The following ITGA9 variants were observed in gnomAD, a reference collection of about 807,000 sequenced individuals.
The protein encoded by ITGA9 is integrin alpha-9.
Under a neutral mutation model 127.8 loss-of-function variants are expected in ITGA9, and 56 were observed. The observed-to-expected ratio is 0.44, with a 90% CI of 0.35 to 0.55. ITGA9 has a LOEUF of 0.55. ITGA9 is among the 20% of genes least tolerant of loss of function. ITGA9 has a pLI of 0.00. For synonymous variants in ITGA9, 508 were observed against 514.5 expected, an observed-to-expected ratio of 0.99 and a Z score of 0.17; for missense variants, 1,196 against 1,347.1, an observed-to-expected ratio of 0.89 and a Z score of 1.76.
Position 37,821,838 on chromosome 3 carries a change from G to A in ITGA9, c.*2849G>A, listed in dbSNP as rs1697518881. 6.6e-6 allele frequency: 1 copy of A among 152,066 alleles called. No individual in the cohort carries two copies. Among genetic ancestry groups the A allele is most frequent in the South Asian group, 2.1e-4 (1 of 4,812 alleles). The allele number at this position is 152,066 out of a possible 1,614,324, so 9.4% of individuals were successfully genotyped here. ...AAAACCAGCCTTGGCATCACCACCAGCAGATACTGAAAGCCTCCCCAGGAA... is the reference window on the plus strand; with the variant it reads ...AAAACCAGCCTTGGCATCACCACCAACAGATACTGAAAGCCTCCCCAGGAA... On this transcript the variant is annotated 3_prime_UTR_variant, in exon 28 of 28. Coordinates refer to ENST00000264741, the MANE Select transcript of ITGA9 (RefSeq NM_002207.3).
At chr3:37,475,497 C>T (rs1698484108) in intron 3 of ITGA9, among the ~76,000 whole-genome samples, 1 of 152,176 alleles carries the variant, frequency 6.6e-6, no homozygotes, top group South Asian at 2.1e-4. Context: ...CAATGAGGAC[C>T]ACAGGGAAGA....
chr3:37,540,518 A>C (rs1380891818), intron 14 of ITGA9, among the ~76,000 whole-genome samples: 1 of 152,236 alleles, frequency 6.6e-6, no homozygotes, highest in Non-Finnish European at 1.5e-5. Flanking sequence ...GTTTTGGTCA[A>C]GTAATGTACA....
chr3:37,769,629 T>C (rs1696820027), intron 23 of ITGA9, among the ~76,000 whole-genome samples: 1 of 152,212 alleles, frequency 6.6e-6, no homozygotes, highest in Non-Finnish European at 1.5e-5. Flanking sequence ...TCCTTGGCTC[T>C]CTAGACTCCA....
intron 15 of ITGA9, among the ~76,000 whole-genome samples, chr3:37,569,476 C>A (rs565828588): frequency 3.3e-5 from 5 of 152,234 alleles, no homozygotes; most frequent in African/African-American, 1.2e-4. Flanking sequence ...TGTGGCATGG[C>A]CTTTATGTGT....
In ITGA9 at chr3:37,748,766, AAGAAG is replaced by A; in HGVS notation, c.2434-1695_2434-1691del. Reference sequence around the variant, plus strand: ...CTGTCTTAAAAAAAAAAAAAAAAAAAAGAAGGAAGCCAAACAGAAAGATACCTGGG... The same window carrying A: ...CTGTCTTAAAAAAAAAAAAAAAAAAAGAAGCCAAACAGAAAGATACCTGGG... On this transcript the variant is annotated intron_variant, in intron 22 of 27. Coordinates refer to ENST00000264741, the MANE Select transcript of ITGA9 (RefSeq NM_002207.3). 3.8e-5 allele frequency: 24 copies of A among 638,192 alleles called. No homozygotes were observed. In the South Asian group the frequency reaches 4.0e-4, roughly 11 times the overall value. 39.5% of individuals were successfully genotyped at this position (638,192 alleles called of 1,614,324 possible).
intron 16 of ITGA9, among the ~76,000 whole-genome samples, chr3:37,650,054 T>C (rs1158125618): frequency 6.6e-6 from 1 of 152,224 alleles, no homozygotes; most frequent in Non-Finnish European, 1.5e-5. Flanking sequence ...TTCACTGTCA[T>C]GGTGACTCAC....
chr3:37,765,168 T>G (rs1313563954), intron 23 of ITGA9, among the ~76,000 whole-genome samples: 1 of 152,130 alleles, frequency 6.6e-6, no homozygotes, highest in Admixed American at 6.5e-5. Flanking sequence ...TCACCCCTTG[T>G]ATCTCCTGGG....
chr3:37,512,126 T>TCCTTCC (rs1559524836), intron 8 of ITGA9, among the ~76,000 whole-genome samples: 3 of 9,448 alleles, frequency 3.2e-4, no homozygotes, highest in African/African-American at 9.9e-4. Context: ...CCTTCTTTCT[T>TCCTTCC]TTCTTTTCTT....
At chr3:37,637,425 CT>C (rs1700291117) in intron 16 of ITGA9, among the ~76,000 whole-genome samples, 1 of 152,030 alleles carries the variant, frequency 6.6e-6, no homozygotes, top group African/African-American at 2.4e-5. Context: ...CATGATTTGG[CT>C]CTCTGTTTGT....
rs950585616 is a variant in ITGA9, at chr3:37,615,821, A to G, written c.1690-13366A>G. ...TGGGATCGGTGGTGATATCCCCTTTATCATTTTTTATTGTGTCTATTTGAT... is the reference window on the plus strand; with the variant it reads ...TGGGATCGGTGGTGATATCCCCTTTGTCATTTTTTATTGTGTCTATTTGAT... On this transcript the variant is annotated intron_variant, in intron 15 of 27. Coordinates refer to ENST00000264741, the MANE Select transcript of ITGA9 (RefSeq NM_002207.3). 3.5e-3 allele frequency among the ~76,000 whole-genome samples: 527 copies of G among 152,100 alleles called. 3 individuals are homozygous for G. Among genetic ancestry groups the G allele is most frequent in the Non-Finnish European group, 5.1e-3 (348 of 67,990 alleles).
chr3:37,674,001 T>C (rs1318577123), intron 17 of ITGA9, among the ~76,000 whole-genome samples: 7 of 152,264 alleles, frequency 4.6e-5, no homozygotes, highest in African/African-American at 1.2e-4. Flanking sequence ...GGACATGGCC[T>C]TAGCCTTCAT....
At chr3:37,680,439 G>T (rs1398686926) in intron 17 of ITGA9, among the ~76,000 whole-genome samples, 5 of 152,268 alleles carry the variant, frequency 3.3e-5, no homozygotes, top group African/African-American at 1.2e-4. Flanking sequence ...ACAGAGCCTT[G>T]TTTGAATCAC....
At chr3:37,676,877 CT>C (rs1015224422) in intron 17 of ITGA9, among the ~76,000 whole-genome samples, 1 of 152,176 alleles carries the variant, frequency 6.6e-6, no homozygotes, top group Non-Finnish European at 1.5e-5. Context: ...CCTTCATCCT[CT>C]GATCATGTTT....
chr3:37,626,364 A>C (rs1700175921), intron 15 of ITGA9, among the ~76,000 whole-genome samples: 1 of 152,160 alleles, frequency 6.6e-6, no homozygotes, highest in Non-Finnish European at 1.5e-5. Context: ...TCTTGTCTAT[A>C]AAACGGGGGG....
In ITGA9 at chr3:37,786,458, G is replaced by T. The variant is rs114073779; in HGVS notation, c.2889+1380G>T. Among the ~76,000 whole-genome samples the T allele has an allele frequency of 4.7e-3, 714 of 152,270 alleles. 4 individuals are homozygous for T. The highest frequency in any genetic ancestry group is 0.017 in the African/African-American group (692 of 41,554). On this transcript the variant is annotated intron_variant, in intron 26 of 27. Transcript: ENST00000264741. Reference sequence around the variant, plus strand: ...AAAATATAAAAATTAGCCAGTCGTGGTGGTAGGCTCTTGTAATCCCAGCTA... The same window carrying T: ...AAAATATAAAAATTAGCCAGTCGTGTTGGTAGGCTCTTGTAATCCCAGCTA...
intron 15 of ITGA9, among the ~76,000 whole-genome samples, chr3:37,607,392 A>C (rs1699978573): frequency 6.6e-6 from 1 of 152,124 alleles, no homozygotes; most frequent in Non-Finnish European, 1.5e-5. Context: ...AGAACAAAAA[A>C]CTTTTTTTCT....
chr3:37,460,108 C>T (rs1698300761), intron 1 of ITGA9, among the ~76,000 whole-genome samples: 1 of 151,928 alleles, frequency 6.6e-6, no homozygotes, highest in African/African-American at 2.4e-5. Flanking sequence ...TGTTACTATC[C>T]CCCCATCCAC....
At chr3:37,646,455 A>T (rs1700377381) in intron 16 of ITGA9, among the ~76,000 whole-genome samples, 1 of 152,240 alleles carries the variant, frequency 6.6e-6, no homozygotes, top group Non-Finnish European at 1.5e-5. Context: ...GGAAGGAGCC[A>T]GCAGAGAAAT....
intron 18 of ITGA9, among the ~76,000 whole-genome samples, chr3:37,716,448 A>T (rs1420849121): frequency 2.6e-5 from 4 of 151,884 alleles, no homozygotes; most frequent in African/African-American, 9.7e-5. Context: ...GGAGAGAGAC[A>T]TTGAAAATGA....
Sources: allele counts gnomAD v4.1 joint callset (sites outside exome capture counted in the v4.1 genomes callset), GRCh38; gene constraint gnomAD v4.1.1; transcripts MANE v1.5; gene names NCBI Gene and HGNC (gene_info 2026-07-23, HGNC 2026-07-21).